Variants in PLAT observed in about 807,000 individuals in gnomAD.
The protein encoded by PLAT is plasminogen activator, tissue type, also known as tissue-type plasminogen activator.
PLAT carries 48 observed loss-of-function variants against 74.9 expected under a neutral mutation model. The ratio of observed to expected loss-of-function variants is 0.64; its 90% CI spans 0.51 to 0.82. The LOEUF (loss-of-function observed/expected upper bound fraction) is 0.82. Among genes scored for constraint, PLAT ranks in the 40% least tolerant of loss-of-function variants. The probability of loss-of-function intolerance (pLI) is 0.00; values close to 1 mark genes in which losing one functional copy is unlikely to be tolerated. For synonymous variants in PLAT, 307 were observed against 294.4 expected, an observed-to-expected ratio of 1.04 and a Z score of -0.44; for missense variants, 673 against 736.2, an observed-to-expected ratio of 0.91 and a Z score of 0.99.
chr8:42,202,052 C>T (rs1043278225), intron 1 of PLAT, among the ~76,000 whole-genome samples: 5 of 152,112 alleles, frequency 3.3e-5, no homozygotes, highest in African/African-American at 9.7e-5. Context: ...CAGGGTCTCG[C>T]CCAGTCACCC....
At chr8:42,179,584 C>T (rs1260877515) in intron 12 of PLAT, among the ~76,000 whole-genome samples, 2 of 152,210 alleles carry the variant, frequency 1.3e-5, no homozygotes, top group East Asian at 3.8e-4. Context: ...TCCATGTCCA[C>T]GGTCACACAG....
intron 6 of PLAT, chr8:42,187,074 C>G (rs913744618): frequency 1.3e-5 from 3 of 230,096 alleles, no homozygotes; most frequent in Admixed American, 5.5e-5. Flanking sequence ...ATCTATGTAT[C>G]TATCATCTAT....
In PLAT at chr8:42,193,200, G is replaced by A. The variant is rs763007802; in HGVS notation, c.-15C>T. ...ATTGCATCCATGATTGCTTCACAGC[G>A]TCCCTTAAATTCTGGAAGGAGAGAA... On this transcript the variant is annotated 5_prime_UTR_variant, in exon 2 of 14. The change creates a new upstream start codon in the 5' untranslated region. Transcript: ENST00000220809. 43 of 1,609,094 alleles carry A rather than the reference G, an allele frequency of 2.7e-5. 1 individual carries two copies. The highest frequency in any genetic ancestry group is 1.6e-4 in the Middle Eastern group (1 of 6,072).
At chr8:42,192,928 A>G (rs1805741275) in intron 2 of PLAT, among the ~76,000 whole-genome samples, 186 bp downstream of exon 2, 1 of 152,166 alleles carries the variant, frequency 6.6e-6, no homozygotes, top group Non-Finnish European at 1.5e-5. Context: ...GCCCCCAAAT[A>G]CAGAGTTTGC....
chr8:42,178,937 C>T lies in PLAT; in HGVS notation c.1490G>A (p.Arg497Gln), dbSNP rs201002244. 2.0e-5 allele frequency: 32 copies of T among 1,613,944 alleles called. No homozygotes were observed. Among genetic ancestry groups the T allele is most frequent in the East Asian group, 8.9e-5 (4 of 44,878 alleles). ...CAAGTTTGCCTGGGGCCCGCCGCTCCGAGTGTCTCCAGCACACAGCATGTT... is the reference window on the plus strand; with the variant it reads ...CAAGTTTGCCTGGGGCCCGCCGCTCTGAGTGTCTCCAGCACACAGCATGTT... ...TDNMLCAGDT[R>Q]SGGPQANLHD... The change falls in exon 13 of 14, where the codon CGG (arginine) becomes CAG (glutamine). Residue 497 changes from arginine (R) to glutamine (Q), a missense_variant. By Grantham distance (43) the Arg-to-Gln change is conservative. Coordinates refer to ENST00000220809, the MANE Select transcript of PLAT (RefSeq NM_000930.5).
intron 11 of PLAT, 64 bp from the exon 12 acceptor site, chr8:42,180,130 G>T: frequency 6.3e-7 from 1 of 1,585,074 alleles, no homozygotes; most frequent in African/African-American, 1.3e-5. Flanking sequence ...GGAGGAACAC[G>T]CAGGAGGGGC....
At chr8:42,192,308 A>G (rs1446349761) in intron 2 of PLAT, among the ~76,000 whole-genome samples, 3 of 152,092 alleles carry the variant, frequency 2.0e-5, no homozygotes, top group Non-Finnish European at 4.4e-5. Context: ...CCTGTCCTGC[A>G]TTGTCTTTTA....
At chr8:42,195,276 C>T (rs1037630125) in intron 1 of PLAT, among the ~76,000 whole-genome samples, 1 of 152,170 alleles carries the variant, frequency 6.6e-6, no homozygotes, top group Admixed American at 6.5e-5. Flanking sequence ...CATTTCATGC[C>T]TGACAGATTC....
chr8:42,182,725 T>A lies in PLAT; in HGVS notation c.797A>T (p.Tyr266Phe), dbSNP rs1245405304. ...AQALGLGKHNYCRNPDGDAKP... is the reference protein window; with the variant it reads ...AQALGLGKHNFCRNPDGDAKP... Reference sequence around the variant, plus strand: ...CCACCCCTGTGCTACCTACCGGCAGTAATTATGTTTGCCCAGGCCCAGTGC... The same window carrying A: ...CCACCCCTGTGCTACCTACCGGCAGAAATTATGTTTGCCCAGGCCCAGTGC... The change falls in exon 8 of 14, where the codon TAC (tyrosine) becomes TTC (phenylalanine). Residue 266 changes from tyrosine to phenylalanine, a missense_variant. Transcript: ENST00000220809. 2 of 1,603,156 alleles carry A rather than the reference T, an allele frequency of 1.2e-6. No individual in the cohort carries two copies. Among genetic ancestry groups the A allele is most frequent in the Non-Finnish European group, 1.7e-6 (2 of 1,174,630 alleles).
rs1263031324 is a variant in PLAT, at chr8:42,179,161, A to T, written c.1364-98T>A. 3.8e-6 allele frequency: 3 copies of T among 780,816 alleles called. No individual in the cohort carries two copies. In the South Asian group the frequency reaches 5.0e-5, roughly 13 times the overall value. The allele number at this position is 780,816 out of a possible 1,614,324, so 48.4% of individuals were successfully genotyped here. On this transcript the variant is annotated intron_variant, in intron 12 of 13. Transcript: ENST00000220809. Reference sequence around the variant, plus strand: ...TTTCCAATAATAGCTAACATTGATCAAGATTCAACATGTATTAGGTCGAAT... The same window carrying T: ...TTTCCAATAATAGCTAACATTGATCTAGATTCAACATGTATTAGGTCGAAT...
chr8:42,179,452 C>A (rs1805121598), intron 12 of PLAT, among the ~76,000 whole-genome samples: 1 of 152,154 alleles, frequency 6.6e-6, no homozygotes, highest in Non-Finnish European at 1.5e-5. Flanking sequence ...ACAAAATCAC[C>A]CCAGCTGACA....
intron 7 of PLAT, among the ~76,000 whole-genome samples, chr8:42,184,236 TG>T (rs1388570483): frequency 1.3e-5 from 2 of 152,092 alleles, no homozygotes; most frequent in African/African-American, 4.8e-5. Context: ...CCACTGCACC[TG>T]GCCCTATATA....
At chr8:42,200,304 T>C (rs1323136967) in intron 1 of PLAT, among the ~76,000 whole-genome samples, 2 of 151,980 alleles carry the variant, frequency 1.3e-5, no homozygotes, top group Admixed American at 6.6e-5. Context: ...TTTGGGAGGC[T>C]GAGGAGGGTG....
At position 42,176,155 on chromosome 8, in the gene PLAT, C is replaced by G; in HGVS notation, c.1531-4G>C. On this transcript the variant is annotated splice_polypyrimidine_tract_variant and splice_region_variant and intron_variant, in intron 13 of 13. Transcript: ENST00000220809. ...CCAGGGGGCCTCCCGAATCGCCCTG[C>G]AAAGGAGATAGCAGGTTTGGCGTTT... is the stretch of plus-strand genomic sequence containing the variant. 6.2e-7 allele frequency: 1 copy of G among 1,611,776 alleles called. No homozygotes were observed. Among genetic ancestry groups the G allele is most frequent in the Non-Finnish European group, 8.5e-7 (1 of 1,178,600 alleles).
At chr8:42,205,113 G>C (rs1449509501) in intron 1 of PLAT, among the ~76,000 whole-genome samples, 3 of 152,200 alleles carry the variant, frequency 2.0e-5, no homozygotes. Flanking sequence ...CAGTTCTGCT[G>C]AACTTCACCT....
intron 1 of PLAT, among the ~76,000 whole-genome samples, chr8:42,203,073 C>T (rs1258941981): frequency 2.6e-5 from 4 of 152,100 alleles, no homozygotes; most frequent in Non-Finnish European, 5.9e-5. Context: ...TTCTAAGGAT[C>T]TAGGGGCCTT....
chr8:42,203,795 C>T (rs1166853362), intron 1 of PLAT, among the ~76,000 whole-genome samples: 3 of 151,756 alleles, frequency 2.0e-5, no homozygotes, highest in Non-Finnish European at 4.4e-5. Context: ...CAAAACTCTG[C>T]TTCTACAAAA....
At position 42,175,683 on chromosome 8, in the gene PLAT, GT is replaced by G; in HGVS notation, c.*309del. ...GCTGCTCACGGTGACAGGTCAGGAG[GT>G]TGGGCTTTAGCTGAAAACAGGGTGG... On this transcript the variant is annotated 3_prime_UTR_variant, in exon 14 of 14. Transcript: ENST00000220809. The G allele has an allele frequency of 3.4e-6, 1 of 292,384 alleles. No individual in the cohort carries two copies. Among genetic ancestry groups the G allele is most frequent in the Non-Finnish European group, 6.5e-6 (1 of 154,690 alleles). 18.1% of individuals were successfully genotyped at this position (292,384 alleles called of 1,614,324 possible).
At position 42,187,421 on chromosome 8, in the gene PLAT, G is replaced by A. The variant is rs778298121; in HGVS notation, c.516C>T (p.Gly172=). ...SGRRPDAIRL[G]LGNHNYCRNP... ...ACCTGCAGTAGTTGTGGTTCCCCAG[G>A]CCCAGCCTGATGGCGTCTGGCCTCC... Residue 172 remains glycine (G), a synonymous_variant, in exon 6 of 14, where the codon GGC becomes GGT. Coordinates refer to ENST00000220809, the MANE Select transcript of PLAT (RefSeq NM_000930.5). The A allele has an allele frequency of 3.8e-6, 6 of 1,594,710 alleles. No individual in the cohort carries two copies. Among genetic ancestry groups the A allele is most frequent in the Non-Finnish European group, 4.3e-6 (5 of 1,175,090 alleles).
Sources: allele counts gnomAD v4.1 joint callset (sites outside exome capture counted in the v4.1 genomes callset), GRCh38; gene constraint gnomAD v4.1.1; transcripts MANE v1.5; gene names NCBI Gene and HGNC (gene_info 2026-07-23, HGNC 2026-07-21).